DTNA: variants seen among roughly 807,000 people sequenced by gnomAD.
DTNA encodes the protein dystrophin-related protein 3.
In DTNA, 43 loss-of-function variants were observed where a neutral mutation model predicts 100.7. That is an observed-to-expected ratio of 0.43 (90% CI 0.33 to 0.55). DTNA has a LOEUF of 0.55. Ranked by LOEUF, DTNA falls within the 20% of genes least tolerant of loss-of-function variation. DTNA has a pLI of 0.04. For synonymous variants in DTNA, 349 were observed against 347.9 expected (o/e 1.00, Z -0.04); for missense variants, 798 against 953.9 (o/e 0.84, Z 2.15).
At chr18:34,494,394 GGTGA>G (rs1426244846) in intron 1 of DTNA, among the ~76,000 whole-genome samples, 2 of 151,948 alleles carry the variant, frequency 1.3e-5, no homozygotes, top group Non-Finnish European at 2.9e-5. Context: ...TGGGCACGGG[GGTGA>G]GTGTCTTCGG....
intron 17 of DTNA, chr18:34,866,066 G>A: frequency 1.2e-6 from 2 of 1,608,590 alleles, no homozygotes; most frequent in Non-Finnish European, 1.7e-6. Context: ...TGCTCTTATT[G>A]GAACCCTGGG....
At position 34,855,604 on chromosome 18, in the gene DTNA, C is replaced by T. The variant is rs377653496; in HGVS notation, c.1533-2681C>T. On this transcript the variant is annotated intron_variant, in intron 15 of 22. Coordinates refer to ENST00000444659, the MANE Select transcript of DTNA (RefSeq NM_001386795.1). ...CTTTCACTCTCTTGTTCTTTCCTTC[C>T]TCCTATCCATCTGTCCCGATATAAA... Among the ~76,000 whole-genome samples the T allele has an allele frequency of 6.6e-5, 10 of 152,210 alleles. No homozygotes were observed. The East Asian group carries it at 1.5e-3, about 24-fold the overall frequency.
chr18:34,890,287 TTC>T lies in DTNA; in HGVS notation c.*2561_*2562del, dbSNP rs1261631591. ...CAATTTCTGACTAACCAGCCACCTT[TTC>T]TCTCTCTTAGCTCCACGTCAGCACT... On this transcript the variant is annotated 3_prime_UTR_variant, in exon 23 of 23. Transcript: ENST00000444659. 2.6e-6 allele frequency: 4 copies of T among 1,530,992 alleles called. No individual in the cohort carries two copies. In the South Asian group the frequency reaches 4.8e-5, roughly 18 times the overall value. 94.8% of individuals were successfully genotyped at this position (1,530,992 alleles called of 1,614,324 possible).
intron 1 of DTNA, among the ~76,000 whole-genome samples, chr18:34,510,124 T>G (rs1404946066): frequency 6.6e-6 from 1 of 151,216 alleles, no homozygotes; most frequent in East Asian, 1.9e-4. Context: ...TTTTTTTTTT[T>G]TAAGTCTGAG....
intron 1 of DTNA, among the ~76,000 whole-genome samples, chr18:34,536,546 C>G (rs575281256): frequency 2.2e-4 from 33 of 151,856 alleles, no homozygotes; most frequent in Non-Finnish European, 2.8e-4. Context: ...ATTTGTATTT[C>G]CTTTCATAAA....
At chr18:34,493,724 G>T (rs1256063776) in intron 1 of DTNA, among the ~76,000 whole-genome samples, 1 of 149,024 alleles carries the variant, frequency 6.7e-6, no homozygotes, top group African/African-American at 2.4e-5. Flanking sequence ...CCACGGCGCC[G>T]GGGCGCGGAC....
chr18:34,889,993 A>G lies in DTNA; in HGVS notation c.*2259A>G, dbSNP rs2096955520. Reference sequence around the variant, plus strand: ...GAAAACCACTACATCCCAGCTACCTATAATGCTGTCAGCTCAAAATCATAG... The same window carrying G: ...GAAAACCACTACATCCCAGCTACCTGTAATGCTGTCAGCTCAAAATCATAG... On this transcript the variant is annotated 3_prime_UTR_variant, in exon 23 of 23. Coordinates refer to ENST00000444659, the MANE Select transcript of DTNA (RefSeq NM_001386795.1). 4 of 1,187,464 alleles carry G rather than the reference A, an allele frequency of 3.4e-6. No individual in the cohort carries two copies. Among genetic ancestry groups the G allele is most frequent in the Non-Finnish European group, 4.2e-6 (4 of 954,724 alleles). The allele number at this position is 1,187,464 out of a possible 1,614,324, so 73.6% of individuals were successfully genotyped here.
At chr18:34,619,225 T>C (rs1437718398) in intron 1 of DTNA, among the ~76,000 whole-genome samples, 2 of 152,116 alleles carry the variant, frequency 1.3e-5, no homozygotes, top group East Asian at 1.9e-4. Context: ...ACTGGGCACA[T>C]TGGGGGAAGC....
At position 34,675,936 on chromosome 18, in the gene DTNA, G is replaced by A. The variant is rs375464789; in HGVS notation, c.-1-80040G>A. 1.6e-4 allele frequency among the ~76,000 whole-genome samples: 24 copies of A among 152,282 alleles called. No individual in the cohort carries two copies. The South Asian group carries it at 2.5e-3, about 16-fold the overall frequency. On this transcript the variant is annotated intron_variant, in intron 1 of 19. Transcript: ENST00000283365. The stretch of plus-strand genomic sequence containing the variant: ...AGACAATGAATAAATAATACATCAG[G>A]TAGTGGCAGTACAGGGGAATATATC...
intron 17 of DTNA, among the ~76,000 whole-genome samples, chr18:34,872,367 A>G (rs1180188797): frequency 6.6e-6 from 1 of 152,222 alleles, no homozygotes; most frequent in Non-Finnish European, 1.5e-5. Flanking sequence ...TATAAGAGGT[A>G]TAAGCAAGGC....
At position 34,889,250 on chromosome 18, in the gene DTNA, T is replaced by G. The variant is rs2096949383; in HGVS notation, c.*1516T>G. The G allele has an allele frequency of 1.0e-6, 1 of 985,306 alleles. No individual in the cohort carries two copies. Among genetic ancestry groups the G allele is most frequent in the Non-Finnish European group, 1.2e-6 (1 of 829,842 alleles). The allele number at this position is 985,306 out of a possible 1,614,324, so 61.0% of individuals were successfully genotyped here. A position where few individuals can be genotyped will look rare whatever the true frequency, so the allele number is the denominator to read the frequency against. ...CATTTTAGAACAATAGTTCTCAAAG[T>G]GTGTTCCCCGGACAAGCAGCATCTG... On this transcript the variant is annotated 3_prime_UTR_variant, in exon 23 of 23. Coordinates refer to ENST00000444659, the MANE Select transcript of DTNA (RefSeq NM_001386795.1).
chr18:34,820,972 G>C, intron 9 of DTNA, 57 bp downstream of exon 9: 1 of 1,612,980 alleles, frequency 6.2e-7, no homozygotes, highest in South Asian at 1.1e-5. Context: ...CACATGTCTG[G>C]AGCCACACAA....
chr18:34,865,237 G>T (rs1261565130), intron 17 of DTNA, among the ~76,000 whole-genome samples: 2 of 152,064 alleles, frequency 1.3e-5, no homozygotes, highest in Non-Finnish European at 2.9e-5. Context: ...TTTTTATTTT[G>T]TCTGTCCTTT....
chr18:34,713,810 G>A (rs1417360324), intron 1 of DTNA, among the ~76,000 whole-genome samples: 7 of 151,864 alleles, frequency 4.6e-5, no homozygotes, highest in Non-Finnish European at 8.8e-5. Context: ...GCAGTGGTTT[G>A]TAGTTCTCCT....
intron 1 of DTNA, among the ~76,000 whole-genome samples, chr18:34,628,921 T>A (rs1314957894): frequency 6.6e-6 from 1 of 152,174 alleles, no homozygotes; most frequent in Non-Finnish European, 1.5e-5. Context: ...TAATTTTATC[T>A]AGAAAATGGG....
intron 1 of DTNA, among the ~76,000 whole-genome samples, chr18:34,505,090 CA>C (rs2040353840): frequency 6.6e-6 from 1 of 152,176 alleles, no homozygotes; most frequent in Non-Finnish European, 1.5e-5. Context: ...GGCCAGAACT[CA>C]AAAATCAGTT....
At chr18:34,598,899 G>A (rs114974062) in intron 1 of DTNA, among the ~76,000 whole-genome samples, 191 of 152,204 alleles carry the variant, frequency 1.3e-3, no homozygotes, top group African/African-American at 4.2e-3. Flanking sequence ...AGTGCAATTT[G>A]AATATCATCT....
intron 16 of DTNA, among the ~76,000 whole-genome samples, chr18:34,861,533 A>G (rs2096628046): frequency 6.6e-6 from 1 of 150,936 alleles, no homozygotes; most frequent in African/African-American, 2.4e-5. Context: ...GTTTTAACAC[A>G]CATATACATT....
At chr18:34,542,992 T>G (rs1316323902) in intron 1 of DTNA, among the ~76,000 whole-genome samples, 1 of 152,064 alleles carries the variant, frequency 6.6e-6, no homozygotes, top group East Asian at 1.9e-4. Flanking sequence ...TTAGAGAACC[T>G]GAACTAGCTG....
Sources: gnomAD v4.1 joint callset for allele counts (sites outside exome capture counted in the v4.1 genomes callset) on GRCh38, gnomAD v4.1.1 for gene constraint, MANE v1.5 for transcripts, NCBI Gene and HGNC (gene_info 2026-07-23, HGNC 2026-07-21) for gene names.